The following AR variants were observed in gnomAD, a reference collection of about 807,000 sequenced individuals.
The protein encoded by AR is androgen receptor, also known as dihydrotestosterone receptor.
AR carries 8 observed loss-of-function variants against 53.9 expected under a neutral mutation model. That is an observed-to-expected ratio of 0.15 (90% CI 0.09 to 0.27). The LOEUF (loss-of-function observed/expected upper bound fraction) is 0.27. Ranked by LOEUF, AR falls within the 10% of genes least tolerant of loss-of-function variation. The probability of loss-of-function intolerance (pLI) is 1.00; values close to 1 mark genes in which losing one functional copy is unlikely to be tolerated. For synonymous variants in AR, 359 were observed against 316.4 expected (o/e 1.13, Z -1.43); for missense variants, 639 against 742.5 (o/e 0.86, Z 1.62).
chrX:67,715,720 CTTG>C (rs1850445602), intron 4 of AR, among the ~76,000 whole-genome samples: 1 of 112,055 alleles, frequency 8.9e-6, no homozygotes, highest in Admixed American at 9.4e-5. Flanking sequence ...CCTCATGTTC[CTTG>C]TTGGTAAAAT....
rs754124920 is a variant in AR at position 67,628,756 on chromosome X, T to A, written c.1617-14500T>A. Among the ~76,000 whole-genome samples, 6 of 111,985 alleles carry A rather than the reference T, an allele frequency of 5.4e-5. No homozygotes were observed. In the East Asian group the frequency reaches 1.7e-3, roughly 31 times the overall value. On this transcript the variant is annotated intron_variant, in intron 1 of 7. Coordinates refer to ENST00000374690, the MANE Select transcript of AR (RefSeq NM_000044.6). ...GCTTCCAGTTTTTGACCATTCAGTA[T>A]GTTATTGGCTGTGGGTTTGTCATAG...
chrX:67,609,499 G>T (rs192204359), intron 1 of AR, among the ~76,000 whole-genome samples: 2 of 111,498 alleles, frequency 1.8e-5, no homozygotes, highest in East Asian at 5.6e-4. Context: ...TAATAATGAT[G>T]TGGTTTCCTT....
chrX:67,723,326 G>C (rs1372608144), intron 7 of AR, among the ~76,000 whole-genome samples: 1 of 100,270 alleles, frequency 1.0e-5, no homozygotes, highest in Non-Finnish European at 2.0e-5. Flanking sequence ...GTGTGTGTGT[G>C]TGTGTGTGTG....
chrX:67,660,610 A>G (rs1254419443), intron 2 of AR, among the ~76,000 whole-genome samples: 4 of 111,706 alleles, frequency 3.6e-5, no homozygotes, highest in Non-Finnish European at 5.6e-5. Context: ...TGTTTTGGCT[A>G]CTGTAGCCTT....
At chrX:67,567,387 T>G (rs1240184618) in intron 1 of AR, among the ~76,000 whole-genome samples, 1 of 111,689 alleles carries the variant, frequency 9.0e-6, no homozygotes, top group African/African-American at 3.3e-5. Flanking sequence ...CCCTGAGGAC[T>G]AAGAGTAATG....
chrX:67,635,585 A>G (rs1233301737), intron 1 of AR, among the ~76,000 whole-genome samples: 1 of 109,059 alleles, frequency 9.2e-6, no homozygotes, highest in Non-Finnish European at 1.9e-5. Flanking sequence ...GGAGTCAGGG[A>G]GAGAGAGAGA....
chrX:67,656,204 A>AT (rs1926581563), intron 2 of AR, among the ~76,000 whole-genome samples: 1 of 111,338 alleles, frequency 9.0e-6, no homozygotes, highest in African/African-American at 3.3e-5. Flanking sequence ...TCACTCATTT[A>AT]TTTTTTCAAC....
chrX:67,609,694 C>G (rs1266362150), intron 1 of AR, among the ~76,000 whole-genome samples: 1 of 110,758 alleles, frequency 9.0e-6, no homozygotes, highest in Non-Finnish European at 1.9e-5. Context: ...AGTGTCTTCC[C>G]TGGCAATTTT....
At chrX:67,626,470 T>G (rs1174955355) in intron 1 of AR, among the ~76,000 whole-genome samples, 1 of 73,990 alleles carries the variant, frequency 1.4e-5, no homozygotes, top group African/African-American at 5.0e-5. Flanking sequence ...TGAGATGGAG[T>G]CTGGCTGTCT....
At position 67,724,251 on chromosome X, in the gene AR, G is replaced by C. The variant is rs746133986; in HGVS notation, c.*410G>C. Reference sequence around the variant, plus strand: ...AAGTTTAGAGAGCTAAGATTATCTGGGGAAATCAAAACAAAAACAAGCAAA... The same window carrying C: ...AAGTTTAGAGAGCTAAGATTATCTGCGGAAATCAAAACAAAAACAAGCAAA... On this transcript the variant is annotated 3_prime_UTR_variant, in exon 8 of 8. Coordinates refer to ENST00000374690, the MANE Select transcript of AR (RefSeq NM_000044.6). 1.2e-5 allele frequency: 2 copies of C among 167,200 alleles called. No homozygotes were observed. The highest frequency in any genetic ancestry group is 4.3e-4 in the South Asian group (1 of 2,327). 13.8% of individuals were successfully genotyped at this position (167,200 alleles called of 1,213,427 possible).
At chrX:67,668,754 G>A (rs916937929) in intron 2 of AR, among the ~76,000 whole-genome samples, 2 of 111,040 alleles carry the variant, frequency 1.8e-5, no homozygotes, top group Non-Finnish European at 3.8e-5. Flanking sequence ...GGTCTGTTCA[G>A]GCTTTAGATT....
At chrX:67,608,809 A>C (rs190107648) in intron 1 of AR, among the ~76,000 whole-genome samples, 25 of 111,859 alleles carry the variant, frequency 2.2e-4, no homozygotes, top group African/African-American at 8.1e-4. Flanking sequence ...TTTATATTAA[A>C]CATGGTTTTA....
chrX:67,572,417 G>T lies in AR; in HGVS notation c.1616+25655G>T, dbSNP rs978913607. 5.4e-5 allele frequency among the ~76,000 whole-genome samples: 6 copies of T among 110,752 alleles called. No individual in the cohort carries two copies. The Admixed American group carries it at 5.8e-4, about 11-fold the overall frequency. ...AAGTGGCAGCTGTTATGACCTCAGG[G>T]GTGTAGTGACTTCCTTATTGTCCTT... On this transcript the variant is annotated intron_variant, in intron 1 of 7. Transcript: ENST00000374690.
intron 3 of AR, among the ~76,000 whole-genome samples, chrX:67,710,926 C>T (rs999637825): frequency 8.9e-6 from 1 of 112,198 alleles, no homozygotes; most frequent in Non-Finnish European, 1.9e-5. Flanking sequence ...GCCTCCATTG[C>T]AGCATTTTCC....
chrX:67,637,161 C>T (rs1361977373), intron 1 of AR, among the ~76,000 whole-genome samples: 2 of 109,413 alleles, frequency 1.8e-5, no homozygotes, highest in East Asian at 5.8e-4. Flanking sequence ...GGGCACAACA[C>T]CATATTGTTT....
At chrX:67,633,518 G>A (rs1925275035) in intron 1 of AR, among the ~76,000 whole-genome samples, 1 of 111,836 alleles carries the variant, frequency 8.9e-6, no homozygotes. Flanking sequence ...AAATGTTACT[G>A]TTTGACCTAG....
At chrX:67,568,966 T>C (rs758490082) in intron 1 of AR, 2 of 1,208,407 alleles carry the variant, frequency 1.7e-6, no homozygotes, top group Admixed American at 2.2e-5. Context: ...GGGAAACGAA[T>C]GCAGAGTGCT....
At chrX:67,639,436 C>T (rs1340859836) in intron 1 of AR, among the ~76,000 whole-genome samples, 1 of 111,944 alleles carries the variant, frequency 8.9e-6, no homozygotes, top group Non-Finnish European at 1.9e-5. Context: ...GATAATGATT[C>T]TTCCTATCCA....
At chrX:67,722,676 C>T (rs1826329877) in intron 6 of AR, 151 bp from the exon 7 acceptor site, 1 of 626,726 alleles carries the variant, frequency 1.6e-6, no homozygotes, top group African/African-American at 2.2e-5. Context: ...ACTGAAGGCC[C>T]CAAGCACACA....
Sources: gnomAD v4.1 joint callset for allele counts (sites outside exome capture counted in the v4.1 genomes callset) on GRCh38, gnomAD v4.1.1 for gene constraint, MANE v1.5 for transcripts, NCBI Gene and HGNC (gene_info 2026-07-23, HGNC 2026-07-21) for gene names.